The following SPAG16 variants were observed in gnomAD, a reference collection of about 807,000 sequenced individuals.
SPAG16 encodes sperm associated antigen 16, also known as sperm-associated antigen 16 protein.
In SPAG16, 86 loss-of-function variants were observed where a neutral mutation model predicts 80.4. The observed-to-expected ratio is 1.07, with a 90% CI of 0.90 to 1.28. The LOEUF is 1.28. Ranked by LOEUF, SPAG16 falls within the 50% of genes most tolerant of loss-of-function variation. The pLI, the probability that SPAG16 is intolerant of heterozygous loss-of-function variation, is 0.00. For synonymous variants in SPAG16, 294 were observed against 265.9 expected (o/e 1.11, Z -1.03); for missense variants, 870 against 765.3 (o/e 1.14, Z -1.61).
intron 15 of SPAG16, among the ~76,000 whole-genome samples, chr2:214,176,947 C>CT (rs144667572): frequency 0.027 from 4,098 of 150,966 alleles, 82 homozygotes; most frequent in Non-Finnish European, 0.039. Context: ...TTATGCTAAG[C>CT]TTTTTTTAAA....
intron 10 of SPAG16, among the ~76,000 whole-genome samples, chr2:213,562,984 ACGCTGGG>A (rs2059642342): frequency 6.6e-6 from 1 of 152,210 alleles, no homozygotes; most frequent in African/African-American, 2.4e-5. Flanking sequence ...TAACACCATC[ACGCTGGG>A]CGTTAGGATT....
intron 14 of SPAG16, among the ~76,000 whole-genome samples, chr2:214,113,967 A>G (rs1222470441): frequency 6.6e-6 from 1 of 151,936 alleles, no homozygotes; most frequent in Non-Finnish European, 1.5e-5. Context: ...GGTTTTATCT[A>G]CCTTTGGACT....
intron 15 of SPAG16, among the ~76,000 whole-genome samples, chr2:214,230,726 G>C (rs1245034015): frequency 6.6e-6 from 1 of 151,892 alleles, no homozygotes; most frequent in Non-Finnish European, 1.5e-5. Context: ...GAGGCACAAA[G>C]TACAGGCTAG....
chr2:214,343,677 A>T (rs1473653522), intron 15 of SPAG16, among the ~76,000 whole-genome samples: 2 of 152,176 alleles, frequency 1.3e-5, no homozygotes, highest in African/African-American at 2.4e-5. Flanking sequence ...AAATAGATTT[A>T]AAAATTAATT....
At chr2:214,071,097 T>TAACAA (rs2050770011) in intron 13 of SPAG16, among the ~76,000 whole-genome samples, 1 of 152,078 alleles carries the variant, frequency 6.6e-6, no homozygotes, top group Admixed American at 6.6e-5. Context: ...ACAAAGAATA[T>TAACAA]TGAGTAGTTT....
At chr2:213,756,511 C>T (rs922896276) in intron 10 of SPAG16, among the ~76,000 whole-genome samples, 1 of 152,116 alleles carries the variant, frequency 6.6e-6, no homozygotes, top group Non-Finnish European at 1.5e-5. Flanking sequence ...AATCTTTAGA[C>T]TAATTGAGCA....
intron 15 of SPAG16, among the ~76,000 whole-genome samples, chr2:214,351,468 G>A (rs554458936): frequency 1.8e-4 from 27 of 152,160 alleles, no homozygotes; most frequent in African/African-American, 6.5e-4. Flanking sequence ...TTGGGAGGCC[G>A]AGGTGGGTGG....
At chr2:214,209,052 T>C (rs1229574891) in intron 15 of SPAG16, among the ~76,000 whole-genome samples, 4 of 152,162 alleles carry the variant, frequency 2.6e-5, no homozygotes, top group African/African-American at 9.7e-5. Context: ...GCTGCTGCAA[T>C]ACCTACCTGG....
At chr2:213,977,133 A>G (rs115461121) in intron 12 of SPAG16, among the ~76,000 whole-genome samples, 16 of 152,146 alleles carry the variant, frequency 1.1e-4, no homozygotes, top group African/African-American at 3.9e-4. Context: ...AGGGAACCAT[A>G]CAAAGATGTG....
chr2:213,848,135 G>A (rs1464216463), intron 10 of SPAG16, among the ~76,000 whole-genome samples: 1 of 152,036 alleles, frequency 6.6e-6, no homozygotes, highest in African/African-American at 2.4e-5. Context: ...GAATACCTGT[G>A]GAGTCACTCC....
chr2:213,404,637 C>T (rs1465491104), intron 9 of SPAG16, among the ~76,000 whole-genome samples: 4 of 152,176 alleles, frequency 2.6e-5, no homozygotes, highest in Non-Finnish European at 5.9e-5. Context: ...CCATTCAGGA[C>T]ATAGGCATGG....
intron 13 of SPAG16, among the ~76,000 whole-genome samples, chr2:214,062,348 G>A (rs185699257): frequency 8.4e-4 from 124 of 147,622 alleles, no homozygotes; most frequent in African/African-American, 3.0e-3. Flanking sequence ...GAACCCAGTA[G>A]GCAGAGGTTG....
chr2:213,286,520 A>C (rs1450778612), intron 1 of SPAG16, among the ~76,000 whole-genome samples: 2 of 152,226 alleles, frequency 1.3e-5, no homozygotes, highest in Non-Finnish European at 2.9e-5. Context: ...TCTTAAGGCA[A>C]TTATGATAGT....
chr2:214,338,891 A>C (rs954326816), intron 15 of SPAG16, among the ~76,000 whole-genome samples: 1 of 152,216 alleles, frequency 6.6e-6, no homozygotes, highest in Non-Finnish European at 1.5e-5. Flanking sequence ...ACTTTGAACT[A>C]AAGTAGTTAC....
chr2:214,177,971 GTATATATATATATATATATATATA>G (rs34460783), intron 15 of SPAG16, among the ~76,000 whole-genome samples: 25 of 59,350 alleles, frequency 4.2e-4, no homozygotes, highest in African/African-American at 9.9e-4. Context: ...CAAAGTGTAT[GTATATATATATATATATATATATA>G]TATATATATA....
intron 15 of SPAG16, among the ~76,000 whole-genome samples, chr2:214,386,103 G>A (rs149810969): frequency 9.9e-5 from 15 of 152,116 alleles, no homozygotes; most frequent in Admixed American, 3.3e-4. Context: ...GGCTGGGTGC[G>A]GTGGCTCATG....
intron 10 of SPAG16, among the ~76,000 whole-genome samples, chr2:213,843,925 C>T (rs528688819): frequency 6.0e-5 from 9 of 150,698 alleles, no homozygotes; most frequent in African/African-American, 2.2e-4. Context: ...GGATTATTGT[C>T]ATTATAGTAA....
intron 7 of SPAG16, among the ~76,000 whole-genome samples, chr2:213,362,376 T>G (rs1017756972): frequency 3.9e-5 from 6 of 152,194 alleles, no homozygotes; most frequent in Non-Finnish European, 8.8e-5. Context: ...AATCCTTCCC[T>G]CAAGTAGGTG....
intron 11 of SPAG16, among the ~76,000 whole-genome samples, chr2:213,893,616 GT>G (rs923973551): frequency 8.6e-5 from 13 of 151,590 alleles, no homozygotes; most frequent in Admixed American, 2.6e-4. Context: ...GATTTTTCCT[GT>G]TTTTTTTCTT....
Sources: gnomAD v4.1 joint callset for allele counts (sites outside exome capture counted in the v4.1 genomes callset) on GRCh38, gnomAD v4.1.1 for gene constraint, MANE v1.5 for transcripts, NCBI Gene and HGNC (gene_info 2026-07-23, HGNC 2026-07-21) for gene names.